GRIA1: variants seen among roughly 807,000 people sequenced by gnomAD.
GRIA1 encodes glutamate ionotropic receptor AMPA type subunit 1, also known as glutamate receptor 1.
Under a neutral mutation model 99.2 loss-of-function variants are expected in GRIA1, and 31 were observed. That is an observed-to-expected ratio of 0.31 (90% CI 0.23 to 0.42). The LOEUF is 0.42. Ranked by LOEUF, GRIA1 falls within the 10% of genes least tolerant of loss-of-function variation. GRIA1 has a pLI of 1.00. For synonymous variants in GRIA1, 438 were observed against 432.4 expected, an observed-to-expected ratio of 1.01 and a Z score of -0.16; for missense variants, 782 against 1,157.5, an observed-to-expected ratio of 0.68 and a Z score of 4.71.
chr5:153,798,824 G>A (rs1490619624), intron 14 of GRIA1, among the ~76,000 whole-genome samples: 1 of 152,080 alleles, frequency 6.6e-6, no homozygotes, highest in African/African-American at 2.4e-5. Context: ...CAGTCCCCCA[G>A]TATGTGGAAA....
chr5:153,550,310 T>A (rs558792944), intron 2 of GRIA1, among the ~76,000 whole-genome samples: 1 of 151,856 alleles, frequency 6.6e-6, no homozygotes, highest in African/African-American at 2.4e-5. Flanking sequence ...AGTAGAGAGC[T>A]GTGTCATGAA....
At chr5:153,532,964 G>T (rs1472219954) in intron 2 of GRIA1, among the ~76,000 whole-genome samples, 1 of 152,146 alleles carries the variant, frequency 6.6e-6, no homozygotes, top group African/African-American at 2.4e-5. Flanking sequence ...TCTAGTAAGG[G>T]TTTAGTAAAT....
chr5:153,660,183 G>A (rs1454735110), intron 5 of GRIA1, among the ~76,000 whole-genome samples: 1 of 152,160 alleles, frequency 6.6e-6, no homozygotes, highest in Non-Finnish European at 1.5e-5. Context: ...AGAATAAGAT[G>A]ATCAGGCTAA....
intron 5 of GRIA1, among the ~76,000 whole-genome samples, chr5:153,674,043 G>T (rs1438177615): frequency 6.6e-6 from 1 of 152,152 alleles, no homozygotes; most frequent in Non-Finnish European, 1.5e-5. Context: ...AAAATGGTTG[G>T]GTATTGGGAT....
chr5:153,644,589 A>T (rs1223308007), intron 2 of GRIA1, among the ~76,000 whole-genome samples: 24 of 152,188 alleles, frequency 1.6e-4, no homozygotes, highest in Admixed American at 1.2e-3. Context: ...ATTCACATTG[A>T]CTAAAACAGC....
At chr5:153,799,392 C>T (rs766776567) in intron 14 of GRIA1, among the ~76,000 whole-genome samples, 1 of 152,184 alleles carries the variant, frequency 6.6e-6, no homozygotes, top group Non-Finnish European at 1.5e-5. Context: ...TCAGTAAAGG[C>T]AACTAAACAG....
intron 3 of GRIA1, among the ~76,000 whole-genome samples, chr5:153,647,495 GTTTGAC>G (rs1014555866): frequency 6.6e-5 from 10 of 152,140 alleles, no homozygotes; most frequent in African/African-American, 2.2e-4. Context: ...CTCTCCAGCT[GTTTGAC>G]TTTGGACAAA....
At chr5:153,680,718 G>A (rs892316831) in intron 7 of GRIA1, among the ~76,000 whole-genome samples, 1 of 152,128 alleles carries the variant, frequency 6.6e-6, no homozygotes, top group African/African-American at 2.4e-5. Flanking sequence ...GGTTGGGTGG[G>A]CAATGGAGTT....
chr5:153,741,948 A>AAG (rs199918577), intron 11 of GRIA1, among the ~76,000 whole-genome samples: 2 of 151,324 alleles, frequency 1.3e-5, no homozygotes, highest in African/African-American at 4.9e-5. Context: ...AAAAAAAAAA[A>AAG]AAGAAAAAGA....
At chr5:153,784,591 T>G (rs1764851226) in intron 13 of GRIA1, among the ~76,000 whole-genome samples, 1 of 151,570 alleles carries the variant, frequency 6.6e-6, no homozygotes, top group African/African-American at 2.4e-5. Context: ...TGATCCTACC[T>G]GTATTCCTTA....
chr5:153,590,506 ATGTGTGTGTGTGTGTGTGTGTGTGTG>A (rs5872325), intron 2 of GRIA1, among the ~76,000 whole-genome samples: 9,804 of 147,936 alleles, frequency 0.066, 434 homozygotes, highest in African/African-American at 0.12. Flanking sequence ...AGCTATTGAA[ATGTGTGTGTGTGTGTGTGTGTGTGTG>A]TGTGTGTGTG....
chr5:153,547,154 C>T (rs566311556), intron 2 of GRIA1, among the ~76,000 whole-genome samples: 89 of 151,710 alleles, frequency 5.9e-4, no homozygotes, highest in African/African-American at 2.1e-3. Flanking sequence ...TTTCTTAAAA[C>T]ATTATGAGAC....
chr5:153,673,621 C>T (rs911657432), intron 5 of GRIA1, among the ~76,000 whole-genome samples: 13 of 152,284 alleles, frequency 8.5e-5, no homozygotes, highest in African/African-American at 2.6e-4. Flanking sequence ...CCCTAAATGA[C>T]GCCTCTGCAA....
intron 2 of GRIA1, among the ~76,000 whole-genome samples, chr5:153,526,491 G>A (rs1014815570): frequency 1.3e-5 from 2 of 152,124 alleles, no homozygotes; most frequent in African/African-American, 4.8e-5. Flanking sequence ...CAACTTACAT[G>A]AAAATATCAA....
chr5:153,697,617 G>C (rs1316874915), intron 8 of GRIA1, among the ~76,000 whole-genome samples: 1 of 152,176 alleles, frequency 6.6e-6, no homozygotes, highest in Non-Finnish European at 1.5e-5. Flanking sequence ...GTAAAAGAAT[G>C]TAATGTTTAA....
chr5:153,610,717 A>G (rs1389704332), intron 2 of GRIA1, among the ~76,000 whole-genome samples: 1 of 152,240 alleles, frequency 6.6e-6, no homozygotes, highest in Non-Finnish European at 1.5e-5. Flanking sequence ...CATTTATAAA[A>G]TGGAAGTAAA....
rs150178367 is a variant in GRIA1, at chr5:153,759,808, G to C, written c.1824-4626G>C. Among the ~76,000 whole-genome samples the C allele has an allele frequency of 2.7e-4, 41 of 152,072 alleles. 1 individual carries two copies. The East Asian group carries it at 7.5e-3, about 28-fold the overall frequency. The stretch of plus-strand genomic sequence containing the variant: ...TGCAATAATCCTCCACAAAATACTA[G>C]CAAACCAAATTCAACAGCACATTAA... On this transcript the variant is annotated intron_variant, in intron 11 of 15. Coordinates refer to ENST00000285900, the MANE Select transcript of GRIA1 (RefSeq NM_000827.4).
chr5:153,609,864 A>T (rs1644650884), intron 2 of GRIA1, among the ~76,000 whole-genome samples: 1 of 151,522 alleles, frequency 6.6e-6, no homozygotes, highest in Non-Finnish European at 1.5e-5. Flanking sequence ...CCCAGCCCAG[A>T]CTCTTTTCTT....
intron 10 of GRIA1, among the ~76,000 whole-genome samples, chr5:153,700,818 C>T (rs1758462407): frequency 6.6e-6 from 1 of 152,068 alleles, no homozygotes; most frequent in South Asian, 2.1e-4. Flanking sequence ...CCCTGAGAGA[C>T]ATACAAAGGG....
Sources: allele counts gnomAD v4.1 joint callset (sites outside exome capture counted in the v4.1 genomes callset), GRCh38; gene constraint gnomAD v4.1.1; transcripts MANE v1.5; gene names NCBI Gene and HGNC (gene_info 2026-07-23, HGNC 2026-07-21).